Variants in CNRIP1 observed in about 807,000 individuals in gnomAD.
CNRIP1 encodes the protein CB1 cannabinoid receptor-interacting protein 1.
In CNRIP1, 10 loss-of-function variants were observed where a neutral mutation model predicts 15.2. The observed-to-expected ratio is 0.66, with a 90% CI of 0.41 to 1.12. The LOEUF is 1.12. CNRIP1 is among the 50% of genes most tolerant of loss of function. CNRIP1 has a pLI of 0.00. For missense variants in CNRIP1, 211 were observed against 214.7 expected (o/e 0.98, Z 0.11); for synonymous variants, 91 against 83.2 (o/e 1.09, Z -0.51).
intron 2 of CNRIP1, among the ~76,000 whole-genome samples, chr2:68,297,304 T>C (rs1368434008): frequency 1.3e-5 from 2 of 152,138 alleles, no homozygotes; most frequent in Admixed American, 6.5e-5. Context: ...CAGTGGCTCA[T>C]GCCTGTAATG....
chr2:68,314,710 T>G (rs957330118), intron 2 of CNRIP1, among the ~76,000 whole-genome samples: 1 of 152,088 alleles, frequency 6.6e-6, no homozygotes, highest in Non-Finnish European at 1.5e-5. Flanking sequence ...TAACAATAGA[T>G]AGATCAATGG....
intron 2 of CNRIP1, among the ~76,000 whole-genome samples, chr2:68,296,607 CTGTTT>C (rs1361266163): frequency 2.7e-5 from 4 of 150,170 alleles, no homozygotes; most frequent in East Asian, 1.9e-4. Flanking sequence ...TCCTGATGGA[CTGTTT>C]TATTTTCTCC....
chr2:68,285,943 A>G (rs1473866129), intron 2 of CNRIP1, among the ~76,000 whole-genome samples: 1 of 152,204 alleles, frequency 6.6e-6, no homozygotes, highest in African/African-American at 2.4e-5. Context: ...GTGAAATGCT[A>G]TAGAAAAGTT....
rs1028429146 is a variant in CNRIP1, at chr2:68,293,607, C to A, written c.*255G>T. On this transcript the variant is annotated 3_prime_UTR_variant, in exon 3 of 3. Transcript: ENST00000263655. The stretch of plus-strand genomic sequence containing the variant: ...AGTCACAAGTGGTCAAAAGTATGAC[C>A]GAGAACAACTGGATGCAGGAACATC... The A allele has an allele frequency of 1.2e-5, 14 of 1,140,726 alleles. No individual in the cohort carries two copies. The South Asian group carries it at 4.0e-4, about 33-fold the overall frequency. 70.7% of individuals were successfully genotyped at this position (1,140,726 alleles called of 1,614,324 possible).
chr2:68,300,043 A>AT (rs2103636651), intron 2 of CNRIP1, among the ~76,000 whole-genome samples: 1 of 152,338 alleles, frequency 6.6e-6, no homozygotes, highest in East Asian at 1.9e-4. Flanking sequence ...GTGACCTATC[A>AT]ATTTCCACTG....
At position 68,302,872 on chromosome 2, in the gene CNRIP1, G is replaced by A. The variant is rs547894573; in HGVS notation, c.331-8846C>T. ...TTTTTTTTTTTTTTTTTTTTGAGAC[G>A]GAGTCTCCCTGTCGCCCAGGCTGGA... On this transcript the variant is annotated intron_variant, in intron 2 of 2. Transcript: ENST00000263655. Among the ~76,000 whole-genome samples, 8 of 135,920 alleles carry A rather than the reference G, an allele frequency of 5.9e-5. No individual in the cohort carries two copies. In the East Asian group the frequency reaches 1.5e-3, roughly 25 times the overall value. 89.2% of individuals were successfully genotyped at this position (135,920 alleles called of 152,430 possible). A position where few individuals can be genotyped will look rare whatever the true frequency, so the allele number is the denominator to read the frequency against.
In CNRIP1 at chr2:68,304,192, C is replaced by G. The variant is rs1489443120; in HGVS notation, c.331-10166G>C. ...TAACCTGAGTTCAGGAGTTCAAGAC[C>G]AGCCTGGCCAACATGGTGAAAACCC... On this transcript the variant is annotated intron_variant, in intron 2 of 2. Transcript: ENST00000263655. 2.0e-5 allele frequency among the ~76,000 whole-genome samples: 3 copies of G among 150,806 alleles called. No homozygotes were observed. In the East Asian group the frequency reaches 5.8e-4, roughly 29 times the overall value.
In CNRIP1 at chr2:68,319,603, T is replaced by C; in HGVS notation, c.-203A>G. On this transcript the variant is annotated 5_prime_UTR_variant, in exon 1 of 3. Coordinates refer to ENST00000263655, the MANE Select transcript of CNRIP1 (RefSeq NM_015463.3). ...GCAGCTCCTTAGGCTGTGGCCCCCC[T>C]CCCCACTCGGCGAGGAAGCGGGCCC... is the stretch of plus-strand genomic sequence containing the variant. 1 of 516,556 alleles carries C rather than the reference T, an allele frequency of 1.9e-6. No homozygotes were observed. Among genetic ancestry groups the C allele is most frequent in the East Asian group, 3.5e-5 (1 of 28,318 alleles). 32.0% of individuals were successfully genotyped at this position (516,556 alleles called of 1,614,324 possible).
At chr2:68,314,020 T>C (rs1298787400) in intron 2 of CNRIP1, among the ~76,000 whole-genome samples, 5 of 152,106 alleles carry the variant, frequency 3.3e-5, no homozygotes, top group Admixed American at 3.3e-4. Context: ...TCCTCAACTC[T>C]TATTCATCCT....
intron 2 of CNRIP1, among the ~76,000 whole-genome samples, chr2:68,305,676 G>T (rs865932507): frequency 1.3e-5 from 2 of 150,836 alleles, no homozygotes; most frequent in South Asian, 2.1e-4. Context: ...AGCACCTGTA[G>T]TCCCATCTAC....
chr2:68,316,620 T>C (rs1381523081), intron 2 of CNRIP1: 1 of 149,026 alleles, frequency 6.7e-6, no homozygotes, highest in East Asian at 1.9e-4. Context: ...AGATATTATA[T>C]ATAATAGGTA....
Position 68,319,613 on chromosome 2 carries a change from G to C in CNRIP1, c.-213C>G. The C allele has an allele frequency of 1.9e-6, 1 of 514,370 alleles. No individual in the cohort carries two copies. The highest frequency in any genetic ancestry group is 3.4e-6 in the Non-Finnish European group (1 of 296,408). The allele number at this position is 514,370 out of a possible 1,614,324, so 31.9% of individuals were successfully genotyped here. Reference sequence around the variant, plus strand: ...AGGCTGTGGCCCCCCTCCCCACTCGGCGAGGAAGCGGGCCCAAGAGACGGC... The same window carrying C: ...AGGCTGTGGCCCCCCTCCCCACTCGCCGAGGAAGCGGGCCCAAGAGACGGC... On this transcript the variant is annotated 5_prime_UTR_variant, in exon 1 of 3. Transcript: ENST00000263655.
intron 2 of CNRIP1, among the ~76,000 whole-genome samples, chr2:68,305,141 G>A (rs1354919769): frequency 6.6e-6 from 1 of 151,760 alleles, no homozygotes; most frequent in African/African-American, 2.4e-5. Flanking sequence ...CTACTTGGGA[G>A]GCTGAGGCAG....
intron 2 of CNRIP1, among the ~76,000 whole-genome samples, chr2:68,299,374 T>C (rs1290637431): frequency 1.3e-5 from 2 of 152,118 alleles, no homozygotes; most frequent in East Asian, 1.9e-4. Flanking sequence ...TGTAATGGTA[T>C]TTGGAGGTAG....
intron 2 of CNRIP1, among the ~76,000 whole-genome samples, chr2:68,300,682 T>G (rs553804104): frequency 6.6e-6 from 1 of 151,898 alleles, no homozygotes; most frequent in East Asian, 1.9e-4. Context: ...AAAGAAAGAC[T>G]ATAGAGAAAA....
chr2:68,293,168 C>T lies in CNRIP1; in HGVS notation c.*694G>A. The T allele has an allele frequency of 4.1e-6, 4 of 985,482 alleles. No homozygotes were observed. Among genetic ancestry groups the T allele is most frequent in the Non-Finnish European group, 4.8e-6 (4 of 829,956 alleles). The allele number at this position is 985,482 out of a possible 1,614,324, so 61.0% of individuals were successfully genotyped here. ...AGGGGTAACCCTACAACTCCTGTCA[C>T]TTTAACAATGGTCCACAGCAATGCT... On this transcript the variant is annotated 3_prime_UTR_variant, in exon 3 of 3. Transcript: ENST00000263655.
At chr2:68,317,985 A>G (rs1175993660) in intron 1 of CNRIP1, among the ~76,000 whole-genome samples, 1 of 151,916 alleles carries the variant, frequency 6.6e-6, no homozygotes, top group Non-Finnish European at 1.5e-5. Context: ...TAACTTTTAG[A>G]TTAGTTTGAA....
chr2:68,317,459 G>C (rs2103696243), intron 1 of CNRIP1, 152 bp from the exon 2 acceptor site: 1 of 741,012 alleles, frequency 1.3e-6, no homozygotes. Flanking sequence ...AGGGGGCAGT[G>C]CTTCTCCTAT....
intron 2 of CNRIP1, among the ~76,000 whole-genome samples, chr2:68,285,269 T>C (rs1671001324): frequency 9.8e-6 from 1 of 101,726 alleles, no homozygotes; most frequent in South Asian, 3.4e-4. Flanking sequence ...CTTCCACCCC[T>C]GCCTTCAAGT....
Sources: gnomAD v4.1 joint callset for allele counts (sites outside exome capture counted in the v4.1 genomes callset) on GRCh38, gnomAD v4.1.1 for gene constraint, MANE v1.5 for transcripts, NCBI Gene and HGNC (gene_info 2026-07-23, HGNC 2026-07-21) for gene names.